STARD13: variants seen among roughly 807,000 people sequenced by gnomAD.
STARD13 encodes StAR related lipid transfer domain containing 13.
Under a neutral mutation model 106.4 loss-of-function variants are expected in STARD13, and 62 were observed. That is an observed-to-expected ratio of 0.58 (90% CI 0.48 to 0.72). The LOEUF (loss-of-function observed/expected upper bound fraction) is 0.72, where lower values mean the gene tolerates loss of function less well. STARD13 is among the 30% of genes least tolerant of loss of function. The probability of loss-of-function intolerance (pLI) is 0.00; values close to 1 mark genes in which losing one functional copy is unlikely to be tolerated. For synonymous variants in STARD13, 565 were observed against 553.0 expected, an observed-to-expected ratio of 1.02 and a Z score of -0.31; for missense variants, 1,387 against 1,424.0, an observed-to-expected ratio of 0.97 and a Z score of 0.42.
At position 33,202,901 on chromosome 13, in the gene STARD13, C is replaced by T. The variant is rs1283881397; in HGVS notation, c.170-35279G>A. Among the ~76,000 whole-genome samples the T allele has an allele frequency of 2.0e-5, 3 of 152,062 alleles. No individual in the cohort carries two copies. The East Asian group carries it at 5.8e-4, about 29-fold the overall frequency. ...GGACCTCTGGGGGCTCCAAAGAAAC[C>T]TTTGAGATCAAAAAAGAGCTAAGAG... is the stretch of plus-strand genomic sequence containing the variant. On this transcript the variant is annotated intron_variant, in intron 1 of 13. Transcript: ENST00000336934.
At chr13:33,673,550 C>CTTTTTTTTTTTTT in the STARD13 span, among the ~76,000 whole-genome samples, 8,917 of 134,602 alleles carry the variant, frequency 0.066, 761 homozygotes, top group East Asian at 0.15. Context: ...ACTATTAACT[C>CTTTTTTTTTTTTT]TTTTTTTTTT....
intron 1 of STARD13, among the ~76,000 whole-genome samples, chr13:33,338,581 A>T (rs1032879097): frequency 1.3e-5 from 2 of 152,166 alleles, no homozygotes; most frequent in Non-Finnish European, 2.9e-5. Flanking sequence ...TTGATTTTTT[A>T]AAAAATCCCA....
the STARD13 span, among the ~76,000 whole-genome samples, chr13:33,562,600 G>T: frequency 6.8e-6 from 1 of 146,504 alleles, no homozygotes; most frequent in Admixed American, 7.0e-5. Flanking sequence ...AAGTCTAGGG[G>T]TCCTGTCTTA....
the STARD13 span, among the ~76,000 whole-genome samples, chr13:33,632,744 T>A: frequency 6.6e-6 from 1 of 152,230 alleles, no homozygotes; most frequent in African/African-American, 2.4e-5. Flanking sequence ...ATTGGCTACC[T>A]ACTTTCCTAT....
chr13:33,314,069 C>T (rs573488550), intron 1 of STARD13, among the ~76,000 whole-genome samples: 1 of 152,128 alleles, frequency 6.6e-6, no homozygotes, highest in Non-Finnish European at 1.5e-5. Context: ...GTCAACCCTG[C>T]CATCAGTGCG....
intron 1 of STARD13, among the ~76,000 whole-genome samples, chr13:33,198,806 T>C (rs1362795072): frequency 6.6e-6 from 1 of 152,204 alleles, no homozygotes; most frequent in Non-Finnish European, 1.5e-5. Flanking sequence ...GACCTATAAA[T>C]GGTGCTACTG....
At chr13:33,335,557 C>T (rs1162183492) in intron 1 of STARD13, among the ~76,000 whole-genome samples, 1 of 152,222 alleles carries the variant, frequency 6.6e-6, no homozygotes, top group Non-Finnish European at 1.5e-5. Context: ...TGGGTATGTG[C>T]CTTGCACACG....
the STARD13 span, among the ~76,000 whole-genome samples, chr13:33,453,104 C>T: frequency 6.6e-6 from 1 of 152,206 alleles, no homozygotes; most frequent in African/African-American, 2.4e-5. Context: ...GGCATATTTG[C>T]CTTGGCCTTT....
At chr13:33,509,124 T>C in the STARD13 span, among the ~76,000 whole-genome samples, 1 of 152,196 alleles carries the variant, frequency 6.6e-6, no homozygotes, top group African/African-American at 2.4e-5. Flanking sequence ...ACTGTAAATA[T>C]CAAGTTTTAT....
chr13:33,397,741 A>G, the STARD13 span, among the ~76,000 whole-genome samples: 1 of 152,198 alleles, frequency 6.6e-6, no homozygotes, highest in Non-Finnish European at 1.5e-5. Flanking sequence ...ATAAAATGCC[A>G]TAGACTGGGT....
chr13:33,569,444 TA>T, the STARD13 span, among the ~76,000 whole-genome samples: 3 of 147,648 alleles, frequency 2.0e-5, no homozygotes, highest in African/African-American at 7.4e-5. Context: ...TCCAAATAAA[TA>T]AATAAATAGT....
chr13:33,268,743 C>A (rs1488444898), intron 1 of STARD13, among the ~76,000 whole-genome samples: 3 of 152,158 alleles, frequency 2.0e-5, no homozygotes, highest in African/African-American at 7.2e-5. Flanking sequence ...CAGAGCCAAA[C>A]AAAAGAAACA....
intron 1 of STARD13, among the ~76,000 whole-genome samples, chr13:33,250,929 G>A (rs2138284525): frequency 6.6e-6 from 1 of 152,298 alleles, no homozygotes; most frequent in East Asian, 1.9e-4. Context: ...ATAGGGCATG[G>A]CATGGTGTAG....
At chr13:33,357,360 T>C in the STARD13 span, among the ~76,000 whole-genome samples, 1 of 152,242 alleles carries the variant, frequency 6.6e-6, no homozygotes, top group African/African-American at 2.4e-5. Flanking sequence ...AGGCAGCATG[T>C]GTTCCACATT....
intron 1 of STARD13, among the ~76,000 whole-genome samples, chr13:33,254,266 G>T (rs1323185683): frequency 2.0e-5 from 3 of 152,208 alleles, no homozygotes; most frequent in African/African-American, 7.2e-5. Context: ...GAGTGGATAT[G>T]CCAAGGGGTA....
the STARD13 span, among the ~76,000 whole-genome samples, chr13:33,360,481 G>A: frequency 3.3e-5 from 5 of 151,772 alleles, no homozygotes; most frequent in Non-Finnish European, 7.4e-5. Context: ...TGGGATTACA[G>A]GCGTGAGCCA....
At chr13:33,503,406 T>A in the STARD13 span, among the ~76,000 whole-genome samples, 1 of 152,350 alleles carries the variant, frequency 6.6e-6, no homozygotes, top group South Asian at 2.1e-4. Context: ...ATCTTAGTTA[T>A]TTCTTGCCTT....
the STARD13 span, among the ~76,000 whole-genome samples, chr13:33,546,929 T>C: frequency 2.0e-5 from 3 of 152,344 alleles, no homozygotes; most frequent in South Asian, 6.2e-4. Context: ...GAATAGCTCA[T>C]TTTAAGCCCC....
the STARD13 span, among the ~76,000 whole-genome samples, chr13:33,615,362 G>T: frequency 2.0e-5 from 3 of 152,178 alleles, no homozygotes; most frequent in African/African-American, 7.2e-5. Context: ...ACAGCTGGTT[G>T]CTGATACTCA....
Sources: gnomAD v4.1 joint callset for allele counts (sites outside exome capture counted in the v4.1 genomes callset) on GRCh38, gnomAD v4.1.1 for gene constraint, MANE v1.5 for transcripts, NCBI Gene and HGNC (gene_info 2026-07-23, HGNC 2026-07-21) for gene names.